Variants in RTKN2 observed in about 807,000 individuals in gnomAD.
The protein encoded by RTKN2 is rhotekin 2.
In RTKN2, 69 loss-of-function variants were observed where a neutral mutation model predicts 71.5. The ratio of observed to expected loss-of-function variants is 0.96; its 90% CI spans 0.79 to 1.18. RTKN2 has a LOEUF of 1.18. RTKN2 is among the 50% of genes most tolerant of loss of function. The probability of loss-of-function intolerance (pLI) is 0.00; values close to 1 mark genes in which losing one functional copy is unlikely to be tolerated. For missense variants in RTKN2, 724 were observed against 719.7 expected (o/e 1.01, Z -0.07); for synonymous variants, 236 against 236.5 (o/e 1.00, Z 0.02).
intron 6 of RTKN2, among the ~76,000 whole-genome samples, chr10:62,224,778 G>A (rs1219570325): frequency 6.6e-6 from 1 of 151,992 alleles, no homozygotes; most frequent in African/African-American, 2.4e-5. Context: ...AAGAATGCAG[G>A]AAAACATTCC....
chr10:62,252,643 G>A (rs1208950805), intron 2 of RTKN2, among the ~76,000 whole-genome samples: 10 of 148,200 alleles, frequency 6.7e-5, no homozygotes, highest in Admixed American at 6.1e-4. Context: ...AATACAATAA[G>A]CTCATTGATC....
intron 2 of RTKN2, among the ~76,000 whole-genome samples, chr10:62,255,317 G>A (rs1001816872): frequency 1.3e-5 from 2 of 152,178 alleles, no homozygotes. Context: ...CTAGTGCCCA[G>A]GTTTGGCATT....
chr10:62,256,751 T>C (rs1380207605), intron 2 of RTKN2, among the ~76,000 whole-genome samples: 1 of 151,906 alleles, frequency 6.6e-6, no homozygotes, highest in Admixed American at 6.6e-5. Flanking sequence ...TGAATATATA[T>C]AGCAAGCTAT....
In RTKN2 at chr10:62,217,252, GAAA is replaced by G. The variant is rs5785514; in HGVS notation, c.889-6_889-4del. 3.2e-4 allele frequency: 417 copies of G among 1,283,544 alleles called. No homozygotes were observed. Among genetic ancestry groups the G allele is most frequent in the Middle Eastern group, 9.9e-4 (5 of 5,050 alleles). 79.5% of individuals were successfully genotyped at this position (1,283,544 alleles called of 1,614,324 possible). A position where few individuals can be genotyped will look rare whatever the true frequency, so the allele number is the denominator to read the frequency against. ...CTAATCAGACCTTCTACCATTTGCT[GAAA>G]AAAAAAAAAAAAAAATCAAGAGACT... On this transcript the variant is annotated splice_region_variant and splice_polypyrimidine_tract_variant and intron_variant, in intron 8 of 11. Coordinates refer to ENST00000373789, the MANE Select transcript of RTKN2 (RefSeq NM_145307.4).
chr10:62,263,787 T>C (rs1842820193), intron 1 of RTKN2, among the ~76,000 whole-genome samples: 1 of 152,172 alleles, frequency 6.6e-6, no homozygotes, highest in Non-Finnish European at 1.5e-5. Context: ...AATACAATTC[T>C]GGACATACCA....
Position 62,218,232 on chromosome 10 carries a change from A to G in RTKN2, c.851T>C (p.Met284Thr). Residue 284 changes from methionine (M) to threonine (T), a missense_variant, in exon 8 of 12, where the codon ATG becomes ACG. Transcript: ENST00000373789. ...AAATCCTGCAAATGCATCCTCAGCC[A>G]TACAAGCTGGCTGGGCAACTAGTCG... is the stretch of plus-strand genomic sequence containing the variant. Reference protein sequence around the residue: ...CCRLVAQPACMAEDAFAGFLN... With the variant: ...CCRLVAQPACTAEDAFAGFLN... 1.9e-6 allele frequency: 3 copies of G among 1,613,684 alleles called. No homozygotes were observed. The South Asian group carries it at 3.3e-5, about 18-fold the overall frequency.
chr10:62,229,863 C>A (rs2132950872), intron 6 of RTKN2, among the ~76,000 whole-genome samples: 1 of 152,176 alleles, frequency 6.6e-6, no homozygotes, highest in African/African-American at 2.4e-5. Context: ...CCTCTATTTC[C>A]AATGAATGAC....
chr10:62,251,847 A>T (rs1019297285), intron 2 of RTKN2, among the ~76,000 whole-genome samples: 4 of 152,076 alleles, frequency 2.6e-5, no homozygotes, highest in African/African-American at 9.6e-5. Context: ...CATTTCTGAA[A>T]TGAACATTAA....
At chr10:62,184,520 A>G in intron 8 of RTKN2, 2 of 531,756 alleles carry the variant, frequency 3.8e-6, no homozygotes, top group South Asian at 5.9e-5. Flanking sequence ...AGTTGTCTTA[A>G]TATGTAAAAA....
At chr10:62,253,283 G>A (rs1215313752) in intron 2 of RTKN2, among the ~76,000 whole-genome samples, 1 of 152,170 alleles carries the variant, frequency 6.6e-6, no homozygotes, top group East Asian at 1.9e-4. Context: ...GCAAAAGGCT[G>A]CAGCTAACAA....
intron 7 of RTKN2, among the ~76,000 whole-genome samples, chr10:62,219,641 T>G (rs1478803608): frequency 6.6e-6 from 1 of 151,944 alleles, no homozygotes; most frequent in Non-Finnish European, 1.5e-5. Context: ...ATAATTTTTT[T>G]GAGAAAAAAA....
At chr10:62,228,692 G>A (rs1842083875) in intron 6 of RTKN2, among the ~76,000 whole-genome samples, 1 of 152,122 alleles carries the variant, frequency 6.6e-6, no homozygotes, top group African/African-American at 2.4e-5. Context: ...ACATGCAGGA[G>A]CCTACTGTGA....
rs372763268 is a variant in RTKN2 at position 62,218,153 on chromosome 10, A to C, written c.888+42T>G. The C allele has an allele frequency of 2.4e-6, 3 of 1,246,976 alleles. No individual in the cohort carries two copies. In the African/African-American group the frequency reaches 4.4e-5, roughly 18 times the overall value. 77.2% of individuals were successfully genotyped at this position (1,246,976 alleles called of 1,614,324 possible). A position where few individuals can be genotyped will look rare whatever the true frequency, so the allele number is the denominator to read the frequency against. On this transcript the variant is annotated intron_variant, in intron 8 of 11. Transcript: ENST00000373789. ...CAACTGCCTGTATATTAAGATTTAA[A>C]GTAGAGCTACAATTGTTGTAGGATA...
At chr10:62,216,760 T>C (rs1004042522) in intron 9 of RTKN2, among the ~76,000 whole-genome samples, 3 of 152,090 alleles carry the variant, frequency 2.0e-5, no homozygotes, top group Non-Finnish European at 2.9e-5. Flanking sequence ...ATGGCTTCAT[T>C]TGAATGCTAA....
rs1413664845 is a variant in RTKN2 at position 62,268,539 on chromosome 10, C to G, written c.60+12G>C. 2.6e-6 allele frequency: 4 copies of G among 1,553,148 alleles called. No individual in the cohort carries two copies. The East Asian group carries it at 9.7e-5, about 37-fold the overall frequency. On this transcript the variant is annotated intron_variant, in intron 1 of 11. Transcript: ENST00000373789. ...CCTCACCTTCCGCGGCAGGGTCCCTCCCGCAACTCACCTGCTGGGTGGGAA... is the reference window on the plus strand; with the variant it reads ...CCTCACCTTCCGCGGCAGGGTCCCTGCCGCAACTCACCTGCTGGGTGGGAA...
downstream of RTKN2, among the ~76,000 whole-genome samples, chr10:62,192,169 G>A (rs959680054): frequency 7.2e-5 from 11 of 151,848 alleles, no homozygotes; most frequent in African/African-American, 1.9e-4. Flanking sequence ...TCCAGAGTCC[G>A]TAGTCAACTA....
At chr10:62,254,571 A>G (rs904233633) in intron 2 of RTKN2, among the ~76,000 whole-genome samples, 6 of 152,216 alleles carry the variant, frequency 3.9e-5, no homozygotes, top group Admixed American at 6.5e-5. Flanking sequence ...ACAGGGATGT[A>G]CATATATGTG....
At chr10:62,208,727 A>G (rs1266309335) in intron 9 of RTKN2, among the ~76,000 whole-genome samples, 1 of 152,170 alleles carries the variant, frequency 6.6e-6, no homozygotes, top group Non-Finnish European at 1.5e-5. Flanking sequence ...TGTCTTCCCT[A>G]TAAGAATTGT....
intron 10 of RTKN2, among the ~76,000 whole-genome samples, chr10:62,204,452 C>T (rs964510409): frequency 2.6e-5 from 4 of 152,154 alleles, no homozygotes; most frequent in Non-Finnish European, 5.9e-5. Flanking sequence ...TAAGGGAAGG[C>T]TACAAAGTGA....
Sources: allele counts gnomAD v4.1 joint callset (sites outside exome capture counted in the v4.1 genomes callset), GRCh38; gene constraint gnomAD v4.1.1; transcripts MANE v1.5; gene names NCBI Gene and HGNC (gene_info 2026-07-23, HGNC 2026-07-21).